LY75: variants seen among roughly 807,000 people sequenced by gnomAD.
The protein encoded by LY75 is lymphocyte antigen 75, also known as C-type lectin domain family 13 member B.
Under a neutral mutation model 231.7 loss-of-function variants are expected in LY75, and 185 were observed. That is an observed-to-expected ratio of 0.80 (90% CI 0.71 to 0.90). The LOEUF (loss-of-function observed/expected upper bound fraction) is 0.90, where lower values mean the gene tolerates loss of function less well. Among genes scored for constraint, LY75 ranks in the 40% least tolerant of loss-of-function variants. The pLI is 0.00. For missense variants in LY75, 1,947 were observed against 2,050.2 expected (o/e 0.95, Z 0.97); for synonymous variants, 668 against 689.0 (o/e 0.97, Z 0.48).
At chr2:159,896,008 T>C (rs184000790) in intron 2 of LY75, among the ~76,000 whole-genome samples, 94 of 152,336 alleles carry the variant, frequency 6.2e-4, no homozygotes, top group Middle Eastern at 3.4e-3. Flanking sequence ...AGCTTTATTA[T>C]GCAATAGTTA....
chr2:159,827,265 A>G (rs1412304141), intron 28 of LY75, among the ~76,000 whole-genome samples: 3 of 152,234 alleles, frequency 2.0e-5, no homozygotes, highest in Admixed American at 2.0e-4. Context: ...ATTTACAAGA[A>G]AAAAACAAAC....
intron 1 of LY75, among the ~76,000 whole-genome samples, chr2:159,901,356 C>T (rs190176729): frequency 1.3e-5 from 2 of 152,306 alleles, no homozygotes; most frequent in African/African-American, 4.8e-5. Flanking sequence ...ATCTTGCATT[C>T]CAAAGTATCA....
chr2:159,805,763 A>G (rs1240460527), intron 34 of LY75, among the ~76,000 whole-genome samples: 3 of 152,156 alleles, frequency 2.0e-5, no homozygotes, highest in Non-Finnish European at 4.4e-5. Flanking sequence ...TATGCACACT[A>G]CACATCTCGT....
At chr2:159,892,063 A>G (rs1421238831) in intron 3 of LY75, among the ~76,000 whole-genome samples, 1 of 152,220 alleles carries the variant, frequency 6.6e-6, no homozygotes, top group Non-Finnish European at 1.5e-5. Flanking sequence ...TGTGGTTCCC[A>G]GACCAGCATT....
intron 1 of LY75, among the ~76,000 whole-genome samples, chr2:159,901,479 C>G (rs1686076812): frequency 6.6e-6 from 1 of 152,340 alleles, no homozygotes; most frequent in South Asian, 2.1e-4. Context: ...CCCGGGCATT[C>G]TGCTTTGTGT....
chr2:159,879,901 T>C (rs11678284), intron 8 of LY75, among the ~76,000 whole-genome samples: 43,735 of 152,142 alleles, frequency 0.29, 6,607 homozygotes, highest in South Asian at 0.59. Flanking sequence ...ATTTGCTTAA[T>C]TGACTACGTC....
At chr2:159,890,135 A>G (rs1169369297) in intron 4 of LY75, 78 bp downstream of exon 4, 4 of 1,538,828 alleles carry the variant, frequency 2.6e-6, no homozygotes, top group African/African-American at 1.4e-5. Context: ...AAAGAAACAC[A>G]TCTGGATATG....
Position 159,885,223 on chromosome 2 carries a change from C to T in LY75, c.984G>A (p.Gln328=). ...ARMDAESGLW[Q]SFSCEAQLPY... Reference sequence around the variant, plus strand: ...GCAGTTGAGCTTCACAGGAAAAGCTCTGCCACAGACCAGACTCAGCATCCA... The same window carrying T: ...GCAGTTGAGCTTCACAGGAAAAGCTTTGCCACAGACCAGACTCAGCATCCA... Residue 328 remains glutamine, a synonymous_variant, in exon 6 of 35, where the codon CAG becomes CAA. Coordinates refer to ENST00000263636, the MANE Select transcript of LY75 (RefSeq NM_002349.4). The T allele has an allele frequency of 2.5e-6, 4 of 1,613,712 alleles. No individual in the cohort carries two copies. The highest frequency in any genetic ancestry group is 2.5e-6 in the Non-Finnish European group (3 of 1,179,720).
At chr2:159,824,828 G>A (rs1683408656) in intron 28 of LY75, among the ~76,000 whole-genome samples, 1 of 145,238 alleles carries the variant, frequency 6.9e-6, no homozygotes, top group South Asian at 2.2e-4. Flanking sequence ...ACAACTACAT[G>A]GAAACTGAAC....
intron 25 of LY75, among the ~76,000 whole-genome samples, chr2:159,839,992 C>T (rs1434249272): frequency 1.2e-4 from 4 of 32,890 alleles, no homozygotes; most frequent in Non-Finnish European, 1.8e-4. Context: ...GGTGACAGAA[C>T]AAGAACCTGT....
At position 159,854,082 on chromosome 2, in the gene LY75, G is replaced by A. The variant is rs188756828; in HGVS notation, c.2595+278C>T. Among the ~76,000 whole-genome samples, 653 of 152,166 alleles carry A rather than the reference G, an allele frequency of 4.3e-3. 7 individuals are homozygous for A. Among genetic ancestry groups the A allele is most frequent in the Non-Finnish European group, 6.9e-3 (471 of 67,980 alleles). On this transcript the variant is annotated intron_variant, in intron 18 of 34. Coordinates refer to ENST00000263636, the MANE Select transcript of LY75 (RefSeq NM_002349.4). Reference sequence around the variant, plus strand: ...AGAAACTCAAGTTAACTATAAAGTTGACTTTTAGTAAAAAATGTGACAGGA... The same window carrying A: ...AGAAACTCAAGTTAACTATAAAGTTAACTTTTAGTAAAAAATGTGACAGGA...
rs1384642730 is a variant in LY75 at position 159,898,962 on chromosome 2, G to C, written c.192C>G (p.Asp64Glu). 6.2e-7 allele frequency: 1 copy of C among 1,614,160 alleles called. No homozygotes were observed. Among genetic ancestry groups the C allele is most frequent in the Admixed American group, 1.7e-5 (1 of 60,024 alleles). Residue 64 changes from aspartate to glutamate, a missense_variant, in exon 2 of 35, where the codon GAC becomes GAG. By Grantham distance (45) the Asp-to-Glu change is conservative. Coordinates refer to ENST00000263636, the MANE Select transcript of LY75 (RefSeq NM_002349.4). Reference sequence around the variant, plus strand: ...GCTGGGACACCCACTTCCATAACTTGTCCTCAGTTTCATCACAGTCGTCTG... The same window carrying C: ...GCTGGGACACCCACTTCCATAACTTCTCCTCAGTTTCATCACAGTCGTCTG... ...IVADDCDETE[D>E]KLWKWVSQHR...
rs114002324 is a variant in LY75 at position 159,849,921 on chromosome 2, A to G, written c.3150+59T>C. 6.3e-4 allele frequency: 986 copies of G among 1,564,172 alleles called. 6 individuals are homozygous for G. In the African/African-American group the frequency reaches 0.012, roughly 20 times the overall value. ...GGGGTTTTGCTTAGTCCAAAAATGTATGAAAGACTCAAGTATTTCACAGAG... is the reference window on the plus strand; with the variant it reads ...GGGGTTTTGCTTAGTCCAAAAATGTGTGAAAGACTCAAGTATTTCACAGAG... On this transcript the variant is annotated intron_variant, in intron 23 of 34. Coordinates refer to ENST00000263636, the MANE Select transcript of LY75 (RefSeq NM_002349.4).
chr2:159,903,433 A>C (rs898037350), intron 1 of LY75: 9 of 152,142 alleles, frequency 5.9e-5, no homozygotes, highest in Non-Finnish European at 5.9e-5. Context: ...ATTTTAAAGG[A>C]TTCTTTTGGT....
chr2:159,858,254 G>T, intron 16 of LY75, 108 bp downstream of exon 16: 1 of 1,368,490 alleles, frequency 7.3e-7, no homozygotes, highest in Non-Finnish European at 9.8e-7. Flanking sequence ...ATCATCATAG[G>T]CTTTTAGACA....
chr2:159,859,731 T>A (rs980088993), intron 15 of LY75, among the ~76,000 whole-genome samples: 2 of 152,168 alleles, frequency 1.3e-5, no homozygotes, highest in African/African-American at 4.8e-5. Flanking sequence ...TAAGCTGGGG[T>A]AAATTACTCA....
At position 159,834,135 on chromosome 2, in the gene LY75, T is replaced by C. The variant is rs6722188; in HGVS notation, c.3750A>G (p.Pro1250=). 30,961 of 1,613,944 alleles carry C rather than the reference T, an allele frequency of 0.019. 5,163 individuals carry two copies. In the African/African-American group the frequency reaches 0.36, roughly 19 times the overall value. ...TGAAATTGTAGCAACAGTTCTGAAATGGTATCCACGGAGTATTTAGAACAG... is the reference window on the plus strand; with the variant it reads ...TGAAATTGTAGCAACAGTTCTGAAACGGTATCCACGGAGTATTTAGAACAG... ...PSPVLNTPWI[P]FQNCCYNFII... is the part of the protein sequence containing the mutation. The change falls in exon 27 of 35, where the codon CCA becomes CCG. Residue 1250 remains proline (P), a synonymous_variant. Coordinates refer to ENST00000263636, the MANE Select transcript of LY75 (RefSeq NM_002349.4).
chr2:159,805,058 A>G lies in LY75; in HGVS notation c.5155T>C (p.Ser1719Pro), dbSNP rs756747895. The change falls in exon 35 of 35, where the codon TCT (serine) becomes CCT (proline). Residue 1719 changes from serine (S) to proline (P), a missense_variant. Transcript: ENST00000263636. ...GVNEDEIMLP[S>P]FHD is the part of the protein sequence containing the mutation. ...TTTAGAAGAATTTAGTCATGGAAAG[A>G]AGGAAGCATAATCTCATCTTCATTC... 1 of 1,613,386 alleles carries G rather than the reference A, an allele frequency of 6.2e-7. No individual in the cohort carries two copies. Among genetic ancestry groups the G allele is most frequent in the Non-Finnish European group, 8.5e-7 (1 of 1,179,696 alleles).
chr2:159,881,353 T>G (rs1574588385), intron 7 of LY75, 113 bp from the exon 8 acceptor site: 3 of 1,031,902 alleles, frequency 2.9e-6, no homozygotes, highest in Admixed American at 3.0e-5. Flanking sequence ...CTTTGTAGTA[T>G]TCTTAATTCG....
Sources: gnomAD v4.1 joint callset for allele counts (sites outside exome capture counted in the v4.1 genomes callset) on GRCh38, gnomAD v4.1.1 for gene constraint, MANE v1.5 for transcripts, NCBI Gene and HGNC (gene_info 2026-07-23, HGNC 2026-07-21) for gene names.